SLC25A13: variants seen among roughly 807,000 people sequenced by gnomAD.
The protein encoded by SLC25A13 is electrogenic aspartate/glutamate antiporter SLC25A13, mitochondrial.
Under a neutral mutation model 85.5 loss-of-function variants are expected in SLC25A13, and 70 were observed. That is an observed-to-expected ratio of 0.82 (90% CI 0.68 to 1.00). The LOEUF is 1.00. Ranked by LOEUF, SLC25A13 falls within the 50% of genes least tolerant of loss-of-function variation. The pLI is 0.00. For missense variants in SLC25A13, 765 were observed against 819.8 expected, an observed-to-expected ratio of 0.93 and a Z score of 0.82; for synonymous variants, 259 against 288.7, an observed-to-expected ratio of 0.90 and a Z score of 1.04.
intron 4 of SLC25A13, among the ~76,000 whole-genome samples, chr7:96,213,057 G>T (rs542820497): frequency 6.6e-6 from 1 of 152,092 alleles, no homozygotes; most frequent in Non-Finnish European, 1.5e-5. Flanking sequence ...ATTAAATCTT[G>T]TTCCTCTGGA....
rs2116582187 is a variant in SLC25A13 at position 96,171,551 on chromosome 7, T to G, written c.1178-27A>C. The G allele has an allele frequency of 3.8e-6, 6 of 1,590,708 alleles. No homozygotes were observed. The East Asian group carries it at 1.1e-4, about 30-fold the overall frequency. On this transcript the variant is annotated intron_variant, in intron 11 of 17. Coordinates refer to ENST00000265631, the MANE Select transcript of SLC25A13 (RefSeq NM_014251.3). The stretch of plus-strand genomic sequence containing the variant: ...TAAAAATCAACAAAAAGTAGAAGTA[T>G]ATTAAATAAATTAGCATTAACTAAA...
chr7:96,216,520 T>C (rs1795905729), intron 4 of SLC25A13, among the ~76,000 whole-genome samples: 1 of 151,210 alleles, frequency 6.6e-6, no homozygotes, highest in East Asian at 1.9e-4. Context: ...AACGATAGAG[T>C]GGATAAAAAA....
At chr7:96,299,320 G>A (rs1164150148) in intron 1 of SLC25A13, among the ~76,000 whole-genome samples, 1 of 152,138 alleles carries the variant, frequency 6.6e-6, no homozygotes, top group African/African-American at 2.4e-5. Flanking sequence ...CTAGGGCAGA[G>A]AACACAAATC....
intron 3 of SLC25A13, among the ~76,000 whole-genome samples, chr7:96,244,235 T>C (rs924863161): frequency 2.0e-5 from 3 of 152,140 alleles, no homozygotes; most frequent in Non-Finnish European, 4.4e-5. Flanking sequence ...CCAGGGGCTA[T>C]GGCAGTCACA....
chr7:96,252,345 C>G (rs1797463259), intron 3 of SLC25A13, among the ~76,000 whole-genome samples: 1 of 152,096 alleles, frequency 6.6e-6, no homozygotes, highest in African/African-American at 2.4e-5. Context: ...GCAAGGATGT[C>G]CCTAGAGTTT....
intron 3 of SLC25A13, among the ~76,000 whole-genome samples, chr7:96,237,604 TA>T (rs1327608258): frequency 6.6e-6 from 1 of 152,076 alleles, no homozygotes; most frequent in African/African-American, 2.4e-5. Flanking sequence ...AAGATGAATT[TA>T]AAGGAGAGAT....
At chr7:96,134,814 A>ATATATATATATATAT (rs1554337570) in intron 14 of SLC25A13, among the ~76,000 whole-genome samples, 5 of 64,474 alleles carry the variant, frequency 7.8e-5, no homozygotes, top group African/African-American at 3.9e-4. Context: ...TATATATATA[A>ATATATATATATATAT]CCCTGAGGAA....
chr7:96,203,213 G>A lies in SLC25A13; in HGVS notation c.468+5625C>T, dbSNP rs900227628. Among the ~76,000 whole-genome samples the A allele has an allele frequency of 4.6e-5, 7 of 152,272 alleles. 1 individual carries two copies. The South Asian group carries it at 1.5e-3, about 32-fold the overall frequency. The stretch of plus-strand genomic sequence containing the variant: ...TCAGGGTTGCCTAGTCCAGACCAAA[G>A]TTTGCCAAAATGTGGTTCCTGAACC... On this transcript the variant is annotated intron_variant, in intron 5 of 17. Transcript: ENST00000265631.
chr7:96,283,459 A>G, intron 2 of SLC25A13: 2 of 434,982 alleles, frequency 4.6e-6, no homozygotes, highest in Non-Finnish European at 9.1e-6. Context: ...GCAAATCTAT[A>G]AGAAAGGTGA....
At chr7:96,209,934 T>C (rs941815388) in intron 4 of SLC25A13, among the ~76,000 whole-genome samples, 4 of 152,190 alleles carry the variant, frequency 2.6e-5, no homozygotes, top group Non-Finnish European at 5.9e-5. Flanking sequence ...CAAACTGTGC[T>C]TGATACCTTT....
chr7:96,215,985 T>C (rs1258959695), intron 4 of SLC25A13, among the ~76,000 whole-genome samples: 2 of 151,566 alleles, frequency 1.3e-5, no homozygotes, highest in Non-Finnish European at 2.9e-5. Flanking sequence ...CAAAACCCCA[T>C]CTCTACTAAA....
intron 14 of SLC25A13, among the ~76,000 whole-genome samples, chr7:96,134,238 G>A (rs1307558668): frequency 3.3e-5 from 5 of 151,960 alleles, no homozygotes; most frequent in African/African-American, 9.7e-5. Flanking sequence ...GTTTCACCAC[G>A]TTGGGCAGGC....
chr7:96,277,126 T>C lies in SLC25A13; in HGVS notation c.212+70A>G, dbSNP rs73710268. The stretch of plus-strand genomic sequence containing the variant: ...GGAAGGTATACATTTAATGACTTCC[T>C]GGTCATTAGAGCAAAAGAAAGCTGT... On this transcript the variant is annotated intron_variant, in intron 3 of 17. Transcript: ENST00000265631. 3,792 of 1,450,436 alleles carry C rather than the reference T, an allele frequency of 2.6e-3. 65 individuals are homozygous for C. The African/African-American group carries it at 0.047, about 18-fold the overall frequency. The allele number at this position is 1,450,436 out of a possible 1,614,324, so 89.8% of individuals were successfully genotyped here.
chr7:96,284,001 C>T (rs1562902867), intron 2 of SLC25A13, among the ~76,000 whole-genome samples: 1 of 152,016 alleles, frequency 6.6e-6, no homozygotes, highest in African/African-American at 2.4e-5. Context: ...CAAGAAATTA[C>T]TCAACTGGTT....
chr7:96,234,590 G>A (rs1471927489), intron 4 of SLC25A13, among the ~76,000 whole-genome samples: 1 of 152,086 alleles, frequency 6.6e-6, no homozygotes, highest in African/African-American at 2.4e-5. Context: ...CTAAATCAGA[G>A]TATCAAAACT....
At position 96,311,059 on chromosome 7, in the gene SLC25A13, C is replaced by T. The variant is rs562676325; in HGVS notation, c.15+10883G>A. On this transcript the variant is annotated intron_variant, in intron 1 of 17. Transcript: ENST00000265631. ...TTATTTTTTATAACAATGATATATA[C>T]TCATATATAGACATACATACATACA... Among the ~76,000 whole-genome samples the T allele has an allele frequency of 1.5e-4, 23 of 152,186 alleles. No individual in the cohort carries two copies. The South Asian group carries it at 2.1e-3, about 14-fold the overall frequency.
At position 96,171,542 on chromosome 7, in the gene SLC25A13, G is replaced by A. The variant is rs1406980385; in HGVS notation, c.1178-18C>T. ...CAACAGACCTAAAAATCAACAAAAA[G>A]TAGAAGTATATTAAATAAATTAGCA... On this transcript the variant is annotated intron_variant, in intron 11 of 17. Coordinates refer to ENST00000265631, the MANE Select transcript of SLC25A13 (RefSeq NM_014251.3). 3 of 1,602,070 alleles carry A rather than the reference G, an allele frequency of 1.9e-6. No individual in the cohort carries two copies. The highest frequency in any genetic ancestry group is 2.6e-6 in the Non-Finnish European group (3 of 1,169,450).
At chr7:96,240,142 A>G (rs899169764) in intron 3 of SLC25A13, among the ~76,000 whole-genome samples, 2 of 146,728 alleles carry the variant, frequency 1.4e-5, no homozygotes, top group African/African-American at 5.1e-5. Flanking sequence ...AATATAATAG[A>G]GAATACAGAC....
intron 5 of SLC25A13, among the ~76,000 whole-genome samples, chr7:96,195,724 G>A (rs896309955): frequency 1.3e-5 from 2 of 152,006 alleles, no homozygotes; most frequent in African/African-American, 2.4e-5. Flanking sequence ...TGCCCACATC[G>A]TTACTTCCAC....
Sources: gnomAD v4.1 joint callset for allele counts (sites outside exome capture counted in the v4.1 genomes callset) on GRCh38, gnomAD v4.1.1 for gene constraint, MANE v1.5 for transcripts, NCBI Gene and HGNC (gene_info 2026-07-23, HGNC 2026-07-21) for gene names.